Variants in PTTG1IP observed in about 807,000 individuals in gnomAD.
PTTG1IP encodes PTTG1 interacting protein, also known as pituitary tumor-transforming gene 1 protein-interacting protein.
Under a neutral mutation model 24.4 loss-of-function variants are expected in PTTG1IP, and 16 were observed. That is an observed-to-expected ratio of 0.66 (90% confidence interval 0.44 to 1.00). The LOEUF (loss-of-function observed/expected upper bound fraction) is 1.00, where lower values mean the gene tolerates loss of function less well. PTTG1IP is among the 50% of genes least tolerant of loss of function. The pLI is 0.00. For missense variants in PTTG1IP, 241 were observed against 245.8 expected (o/e 0.98, Z 0.13); for synonymous variants, 89 against 96.8 (o/e 0.92, Z 0.47).
At chr21:44,867,647 G>T (rs554806658) in intron 1 of PTTG1IP, among the ~76,000 whole-genome samples, 1 of 152,248 alleles carries the variant, frequency 6.6e-6, no homozygotes, top group Non-Finnish European at 1.5e-5. Flanking sequence ...TGATGCTCAC[G>T]TCTGTGACTG....
chr21:44,853,793 C>T (rs1426960945), intron 5 of PTTG1IP, among the ~76,000 whole-genome samples: 3 of 152,204 alleles, frequency 2.0e-5, no homozygotes, highest in Non-Finnish European at 4.4e-5. Flanking sequence ...AGAGTCAGCG[C>T]CCAAGCACAC....
chr21:44,856,076 C>T lies in PTTG1IP; in HGVS notation c.449+117G>A, dbSNP rs1372446389. 7 of 1,591,402 alleles carry T rather than the reference C, an allele frequency of 4.4e-6. No individual in the cohort carries two copies. The African/African-American group carries it at 5.4e-5, about 12-fold the overall frequency. Reference sequence around the variant, plus strand: ...TAGAAGATCCCCTGGGCACTATACACATTCTTAATTTCTAAAAACTGAGGA... The same window carrying T: ...TAGAAGATCCCCTGGGCACTATACATATTCTTAATTTCTAAAAACTGAGGA... On this transcript the variant is annotated intron_variant, in intron 4 of 5. Coordinates refer to ENST00000330938, the MANE Select transcript of PTTG1IP (RefSeq NM_004339.4).
chr21:44,869,211 G>A (rs1292347092), intron 1 of PTTG1IP, among the ~76,000 whole-genome samples: 1 of 152,188 alleles, frequency 6.6e-6, no homozygotes, highest in Non-Finnish European at 1.5e-5. Flanking sequence ...GGATTTCAGG[G>A]GGTAGGGGAA....
intron 1 of PTTG1IP, among the ~76,000 whole-genome samples, chr21:44,866,268 ACG>A (rs145132463): frequency 7.1e-6 from 1 of 141,812 alleles, no homozygotes; most frequent in Non-Finnish European, 1.5e-5. Context: ...ACACACACAC[ACG>A]CAGACTGCCT....
At chr21:44,857,743 C>T (rs2083459961) in intron 3 of PTTG1IP, among the ~76,000 whole-genome samples, 1 of 152,212 alleles carries the variant, frequency 6.6e-6, no homozygotes, top group South Asian at 2.1e-4. Context: ...ACGCTGAGAT[C>T]CGCATTTCTT....
chr21:44,866,710 C>T (rs1039630984), intron 1 of PTTG1IP, among the ~76,000 whole-genome samples: 3 of 150,582 alleles, frequency 2.0e-5, no homozygotes, highest in African/African-American at 7.4e-5. Flanking sequence ...CACACAAACA[C>T]AGTGCACGCT....
chr21:44,851,319 T>C lies in PTTG1IP; in HGVS notation c.*262A>G. 1.3e-6 allele frequency: 2 copies of C among 1,482,424 alleles called. No homozygotes were observed. Among genetic ancestry groups the C allele is most frequent in the Non-Finnish European group, 1.8e-6 (2 of 1,113,042 alleles). 91.8% of individuals were successfully genotyped at this position (1,482,424 alleles called of 1,614,324 possible). A position where few individuals can be genotyped will look rare whatever the true frequency, so the allele number is the denominator to read the frequency against. Reference sequence around the variant, plus strand: ...TTAGCGTTTCACAAACTGAGAAGAGTATAAAAAAGCCCAAACCCCAAAGAT... The same window carrying C: ...TTAGCGTTTCACAAACTGAGAAGAGCATAAAAAAGCCCAAACCCCAAAGAT... On this transcript the variant is annotated 3_prime_UTR_variant, in exon 6 of 6. Transcript: ENST00000330938.
intron 3 of PTTG1IP, among the ~76,000 whole-genome samples, chr21:44,856,981 G>T (rs191845417): frequency 1.4e-3 from 215 of 152,176 alleles, no homozygotes; most frequent in Admixed American, 2.9e-3. Flanking sequence ...CTGGCTAATC[G>T]GTCCCAAACC....
chr21:44,868,869 C>A (rs1027850188), intron 1 of PTTG1IP, among the ~76,000 whole-genome samples: 2 of 152,236 alleles, frequency 1.3e-5, no homozygotes, highest in Admixed American at 6.5e-5. Context: ...TGCCTGTGGA[C>A]TGACAAGATA....
intron 1 of PTTG1IP, among the ~76,000 whole-genome samples, chr21:44,866,663 G>C (rs2083543771): frequency 2.4e-5 from 3 of 126,638 alleles, no homozygotes; most frequent in African/African-American, 1.1e-4. Context: ...CACACAGACT[G>C]CCTACTCCAA....
At position 44,851,497 on chromosome 21, in the gene PTTG1IP, C is replaced by T. The variant is rs563111034; in HGVS notation, c.*84G>A. On this transcript the variant is annotated 3_prime_UTR_variant, in exon 6 of 6. Transcript: ENST00000330938. ...TTCACTGGCCAAGGTCAGGAGACCGCAATGGCCACGTGGTCTCCCGGCTGG... is the reference window on the plus strand; with the variant it reads ...TTCACTGGCCAAGGTCAGGAGACCGTAATGGCCACGTGGTCTCCCGGCTGG... The T allele has an allele frequency of 8.7e-6, 14 of 1,613,706 alleles. 1 individual carries two copies. The South Asian group carries it at 1.5e-4, about 18-fold the overall frequency.
At position 44,861,154 on chromosome 21, in the gene PTTG1IP, A is replaced by G. The variant is rs758032410; in HGVS notation, c.277+9T>C. ...ATTTTGCAAGCAGCAAATGAAAACAATGACTTACCCCAACAAACTCCCCAG... is the reference window on the plus strand; with the variant it reads ...ATTTTGCAAGCAGCAAATGAAAACAGTGACTTACCCCAACAAACTCCCCAG... On this transcript the variant is annotated intron_variant, in intron 3 of 5. Coordinates refer to ENST00000330938, the MANE Select transcript of PTTG1IP (RefSeq NM_004339.4). 6 of 1,604,538 alleles carry G rather than the reference A, an allele frequency of 3.7e-6. No individual in the cohort carries two copies. Among genetic ancestry groups the G allele is most frequent in the African/African-American group, 1.3e-5 (1 of 74,358 alleles).
intron 3 of PTTG1IP, among the ~76,000 whole-genome samples, chr21:44,858,651 T>C (rs1263835857): frequency 6.6e-6 from 1 of 152,240 alleles, no homozygotes; most frequent in Admixed American, 6.5e-5. Flanking sequence ...CTGTGACTAG[T>C]CACCTGCTGC....
At chr21:44,861,601 C>T in intron 2 of PTTG1IP, 1 of 654,740 alleles carries the variant, frequency 1.5e-6, no homozygotes. Flanking sequence ...CTCTCAGCCT[C>T]AGCTCAGCCT....
At chr21:44,858,426 C>G (rs2083464908) in intron 3 of PTTG1IP, among the ~76,000 whole-genome samples, 1 of 152,220 alleles carries the variant, frequency 6.6e-6, no homozygotes, top group African/African-American at 2.4e-5. Flanking sequence ...CAAGGCTGGA[C>G]AAGGTCCCAG....
chr21:44,851,280 G>A lies in PTTG1IP; in HGVS notation c.*301C>T, dbSNP rs1291221759. The A allele has an allele frequency of 2.8e-5, 39 of 1,399,950 alleles. 1 individual carries two copies. Among genetic ancestry groups the A allele is most frequent in the East Asian group, 2.3e-4 (9 of 39,654 alleles). 86.7% of individuals were successfully genotyped at this position (1,399,950 alleles called of 1,614,324 possible). A position where few individuals can be genotyped will look rare whatever the true frequency, so the allele number is the denominator to read the frequency against. On this transcript the variant is annotated 3_prime_UTR_variant, in exon 6 of 6. Coordinates refer to ENST00000330938, the MANE Select transcript of PTTG1IP (RefSeq NM_004339.4). ...GCCACAGCGCTGGGTGCCGTCAGGC[G>A]GCTTCGTGTGCAGTTAGCGTTTCAC...
At chr21:44,853,833 CAT>C (rs1419354951) in intron 5 of PTTG1IP, among the ~76,000 whole-genome samples, 3 of 152,208 alleles carry the variant, frequency 2.0e-5, no homozygotes, top group African/African-American at 4.8e-5. Flanking sequence ...GGCGGGAACA[CAT>C]AGGAAAAAGC....
chr21:44,861,273 TG>T lies in PTTG1IP; in HGVS notation c.169-3del. On this transcript the variant is annotated splice_polypyrimidine_tract_variant and splice_region_variant and intron_variant, in intron 2 of 5. Transcript: ENST00000330938. ...CTTGTTAGTGTTGCACCAAAGACAC[TG>T]AAAGAGACCAACATTAAGCAAGCAT... The T allele has an allele frequency of 6.2e-7, 1 of 1,608,108 alleles. No individual in the cohort carries two copies. Among genetic ancestry groups the T allele is most frequent in the Non-Finnish European group, 8.5e-7 (1 of 1,175,568 alleles).
chr21:44,856,129 C>G, intron 4 of PTTG1IP, 64 bp downstream of exon 4: 2 of 1,612,972 alleles, frequency 1.2e-6, no homozygotes, highest in South Asian at 2.2e-5. Flanking sequence ...ATGTGATTTC[C>G]ATGGCCTTGC....
Sources: gnomAD v4.1 joint callset for allele counts (sites outside exome capture counted in the v4.1 genomes callset) on GRCh38, gnomAD v4.1.1 for gene constraint, MANE v1.5 for transcripts, NCBI Gene and HGNC (gene_info 2026-07-23, HGNC 2026-07-21) for gene names.